Variants in BCKDHB observed in about 807,000 individuals in gnomAD.
BCKDHB encodes the protein branched chain keto acid dehydrogenase E1 subunit beta.
In BCKDHB, 41 loss-of-function variants were observed where a neutral mutation model predicts 48.5. The ratio of observed to expected loss-of-function variants is 0.85; its 90% CI spans 0.66 to 1.10. The LOEUF (loss-of-function observed/expected upper bound fraction) is 1.10, where lower values mean the gene tolerates loss of function less well. Among genes scored for constraint, BCKDHB ranks in the 50% least tolerant of loss-of-function variants. The pLI is 0.00. For missense variants in BCKDHB, 496 were observed against 494.2 expected, an observed-to-expected ratio of 1.00 and a Z score of -0.03; for synonymous variants, 201 against 174.8, an observed-to-expected ratio of 1.15 and a Z score of -1.18.
At chr6:80,303,769 A>T (rs532367201) in intron 9 of BCKDHB, among the ~76,000 whole-genome samples, 1 of 152,166 alleles carries the variant, frequency 6.6e-6, no homozygotes, top group South Asian at 2.1e-4. Context: ...TTTACAAAGC[A>T]TCACTTTATG....
the BCKDHB span, among the ~76,000 whole-genome samples, chr6:80,381,960 T>A: frequency 6.6e-6 from 1 of 152,138 alleles, no homozygotes; most frequent in Admixed American, 6.6e-5. Flanking sequence ...TTTCTACATG[T>A]CATTTGTTAT....
At chr6:80,460,373 A>T in the BCKDHB span, among the ~76,000 whole-genome samples, 113,631 of 152,048 alleles carry the variant, frequency 0.75, 47,768 homozygotes, top group East Asian at 0.95. Context: ...ACTAATGCAG[A>T]GGCACTTGCT....
At chr6:80,283,830 T>A (rs963925084) in intron 9 of BCKDHB, among the ~76,000 whole-genome samples, 1 of 152,140 alleles carries the variant, frequency 6.6e-6, no homozygotes. Context: ...ATTTTCTAAC[T>A]ACAATAAGGT....
At chr6:80,292,460 C>T (rs1046363458) in intron 9 of BCKDHB, among the ~76,000 whole-genome samples, 16 of 151,828 alleles carry the variant, frequency 1.1e-4, no homozygotes, top group African/African-American at 3.6e-4. Flanking sequence ...GACTTATTCA[C>T]TGTCACGTGA....
the BCKDHB span, among the ~76,000 whole-genome samples, chr6:80,358,751 A>G: frequency 2.0e-5 from 3 of 152,366 alleles, no homozygotes; most frequent in East Asian, 5.8e-4. Flanking sequence ...GTGCTTAATA[A>G]GAACAGAGTT....
At chr6:80,161,462 A>T (rs1449942907) in intron 3 of BCKDHB, among the ~76,000 whole-genome samples, 1 of 152,202 alleles carries the variant, frequency 6.6e-6, no homozygotes, top group African/African-American at 2.4e-5. Context: ...TGATTTCTAA[A>T]TCCAAAGAAA....
intron 8 of BCKDHB, among the ~76,000 whole-genome samples, chr6:80,224,537 T>G (rs532321785): frequency 2.0e-5 from 3 of 152,042 alleles, no homozygotes; most frequent in Non-Finnish European, 4.4e-5. Context: ...GTACTATAGG[T>G]GCACACCACC....
the BCKDHB span, among the ~76,000 whole-genome samples, chr6:80,433,481 G>A: frequency 6.6e-6 from 1 of 152,162 alleles, no homozygotes; most frequent in Non-Finnish European, 1.5e-5. Context: ...GCCTACTCGA[G>A]CCTCATCAAT....
chr6:80,396,201 T>G, the BCKDHB span, among the ~76,000 whole-genome samples: 4 of 152,184 alleles, frequency 2.6e-5, no homozygotes, highest in Admixed American at 6.5e-5. Flanking sequence ...CACTGACAGC[T>G]TGCACTTTGT....
the BCKDHB span, among the ~76,000 whole-genome samples, chr6:80,404,757 G>A: frequency 1.2e-4 from 18 of 151,634 alleles, no homozygotes; most frequent in Admixed American, 8.6e-4. Flanking sequence ...TATATGTGTT[G>A]CCATTTTTAT....
intron 9 of BCKDHB, among the ~76,000 whole-genome samples, chr6:80,309,518 G>A (rs966271042): frequency 6.6e-6 from 1 of 152,006 alleles, no homozygotes; most frequent in Non-Finnish European, 1.5e-5. Context: ...ATATTTACTT[G>A]TGTAATAATG....
the BCKDHB span, among the ~76,000 whole-genome samples, chr6:80,392,747 T>C: frequency 1.3e-5 from 2 of 151,742 alleles, no homozygotes; most frequent in Non-Finnish European, 1.5e-5. Flanking sequence ...AATTAAATTA[T>C]ATTTAATAGT....
intron 3 of BCKDHB, among the ~76,000 whole-genome samples, chr6:80,132,934 A>G (rs1006846975): frequency 3.3e-5 from 5 of 152,214 alleles, no homozygotes; most frequent in Admixed American, 1.3e-4. Flanking sequence ...ATTTTTAGCT[A>G]TACAGAAGCA....
At chr6:80,156,698 A>G (rs1772058763) in intron 3 of BCKDHB, among the ~76,000 whole-genome samples, 1 of 152,178 alleles carries the variant, frequency 6.6e-6, no homozygotes, top group Non-Finnish European at 1.5e-5. Context: ...TAAGGAAGCC[A>G]TGAGGTTATC....
At chr6:80,120,873 C>CA (rs540930747) in intron 1 of BCKDHB, among the ~76,000 whole-genome samples, 52 of 152,252 alleles carry the variant, frequency 3.4e-4, no homozygotes, top group African/African-American at 1.3e-3. Context: ...TTAATTAGAT[C>CA]CCCTTTGTCT....
chr6:80,111,933 A>G (rs1387840358), intron 1 of BCKDHB, among the ~76,000 whole-genome samples: 1 of 152,186 alleles, frequency 6.6e-6, no homozygotes, highest in Non-Finnish European at 1.5e-5. Context: ...ACACAACTCA[A>G]TATCCTTAAT....
At chr6:80,260,207 T>TG (rs1029724004) in intron 8 of BCKDHB, among the ~76,000 whole-genome samples, 1 of 126,830 alleles carries the variant, frequency 7.9e-6, no homozygotes, top group Admixed American at 9.8e-5. Flanking sequence ...CTGGTGGTAA[T>TG]GGTGGGTGTG....
At chr6:80,122,610 G>C (rs1582180868) in intron 1 of BCKDHB, among the ~76,000 whole-genome samples, 1 of 152,204 alleles carries the variant, frequency 6.6e-6, no homozygotes, top group South Asian at 2.1e-4. Context: ...TTTTTATTAA[G>C]GGTTTCAAAA....
At chr6:80,289,837 A>G (rs1480017801) in intron 9 of BCKDHB, among the ~76,000 whole-genome samples, 2 of 152,166 alleles carry the variant, frequency 1.3e-5, no homozygotes, top group Non-Finnish European at 2.9e-5. Flanking sequence ...GAGAGCAGCC[A>G]TAGAGCTGCT....
Sources: gnomAD v4.1 joint callset for allele counts (sites outside exome capture counted in the v4.1 genomes callset) on GRCh38, gnomAD v4.1.1 for gene constraint, MANE v1.5 for transcripts, NCBI Gene and HGNC (gene_info 2026-07-23, HGNC 2026-07-21) for gene names.